The following KSR2 variants were observed in gnomAD, a reference collection of about 807,000 sequenced individuals.
The protein encoded by KSR2 is kinase suppressor of ras 2.
KSR2 carries 25 observed loss-of-function variants against 107.8 expected under a neutral mutation model. The ratio of observed to expected loss-of-function variants is 0.23; its 90% confidence interval spans 0.17 to 0.32. The LOEUF is 0.32. Among genes scored for constraint, KSR2 ranks in the 10% least tolerant of loss-of-function variants. The pLI is 1.00. For missense variants in KSR2, 887 were observed against 1,268.9 expected (o/e 0.70, Z 4.57); for synonymous variants, 480 against 507.0 (o/e 0.95, Z 0.71).
chr12:117,939,810 G>A (rs531427912), intron 1 of KSR2, among the ~76,000 whole-genome samples: 3 of 151,622 alleles, frequency 2.0e-5, no homozygotes, highest in Admixed American at 6.6e-5. Flanking sequence ...GCATGGTTGC[G>A]GGCGCCTATA....
At position 117,505,706 on chromosome 12, in the gene KSR2, C is replaced by T. The variant is rs139910943; in HGVS notation, c.2219+19146G>A. Among the ~76,000 whole-genome samples the T allele has an allele frequency of 5.3e-5, 8 of 152,312 alleles. No individual in the cohort carries two copies. The East Asian group carries it at 1.5e-3, about 29-fold the overall frequency. On this transcript the variant is annotated intron_variant, in intron 14 of 19. Coordinates refer to ENST00000339824, the MANE Select transcript of KSR2 (RefSeq NM_173598.6). ...GGCTTTGGTGTCCCTCACTGCATATCCCCCAGTTGGCACCATTTGCTCCAA... is the reference window on the plus strand; with the variant it reads ...GGCTTTGGTGTCCCTCACTGCATATTCCCCAGTTGGCACCATTTGCTCCAA...
chr12:117,629,556 T>A (rs189998561), intron 5 of KSR2, among the ~76,000 whole-genome samples: 29 of 152,312 alleles, frequency 1.9e-4, no homozygotes, highest in Admixed American at 1.3e-3. Flanking sequence ...TTCCTCGTGA[T>A]CACAGCAAAA....
intron 7 of KSR2, among the ~76,000 whole-genome samples, chr12:117,572,923 A>C (rs1878991380): frequency 6.6e-6 from 1 of 152,194 alleles, no homozygotes. Flanking sequence ...AAGGCTGGGA[A>C]ATCCATCAGC....
At position 117,459,457 on chromosome 12, in the gene KSR2, G is replaced by C. The variant is rs1870784949; in HGVS notation, c.*7742C>G. ...TCTGTGATCAGTGGGAAGGCATGCT[G>C]TGATGGATTAGTGATGTCTGCCAAG... On this transcript the variant is annotated 3_prime_UTR_variant, in exon 20 of 20. Coordinates refer to ENST00000339824, the MANE Select transcript of KSR2 (RefSeq NM_173598.6). 6.6e-6 allele frequency: 1 copy of C among 152,242 alleles called. No individual in the cohort carries two copies. 9.4% of individuals were successfully genotyped at this position (152,242 alleles called of 1,614,324 possible). A position where few individuals can be genotyped will look rare whatever the true frequency, so the allele number is the denominator to read the frequency against.
chr12:117,945,683 A>G (rs1896161000), intron 1 of KSR2, among the ~76,000 whole-genome samples: 1 of 152,170 alleles, frequency 6.6e-6, no homozygotes, highest in Non-Finnish European at 1.5e-5. Context: ...CCAAAAAAAT[A>G]ATAATAACAA....
chr12:117,943,643 A>G (rs1449083355), intron 1 of KSR2, among the ~76,000 whole-genome samples: 1 of 152,140 alleles, frequency 6.6e-6, no homozygotes, highest in East Asian at 1.9e-4. Flanking sequence ...ATTCAGTCAT[A>G]AAAAAATGAA....
chr12:117,770,627 T>C (rs1016268387), intron 3 of KSR2, among the ~76,000 whole-genome samples: 1 of 151,978 alleles, frequency 6.6e-6, no homozygotes, highest in Non-Finnish European at 1.5e-5. Flanking sequence ...CCAGATTCTG[T>C]GTTAGGAAAC....
chr12:117,525,214 T>C lies in KSR2; in HGVS notation c.1857A>G (p.Glu619=). The C allele has an allele frequency of 6.3e-7, 1 of 1,594,708 alleles. No individual in the cohort carries two copies. Among genetic ancestry groups the C allele is most frequent in the Non-Finnish European group, 8.6e-7 (1 of 1,166,862 alleles). The change falls in exon 14 of 20, where the codon GAA becomes GAG. Residue 619 remains glutamate, a synonymous_variant. Coordinates refer to ENST00000339824, the MANE Select transcript of KSR2 (RefSeq NM_173598.6). The part of the protein sequence containing the change: ...QIEVEPTSEN[E]EVHDEAEESE... ...ACTCTTCGGCCTCATCATGGACCTC[T>C]TCATTCTGTGGCCGGAGTGGGAGAG...
At chr12:117,565,936 C>G (rs999151762) in intron 7 of KSR2, among the ~76,000 whole-genome samples, 2 of 152,160 alleles carry the variant, frequency 1.3e-5, no homozygotes, top group Non-Finnish European at 2.9e-5. Flanking sequence ...TTAACTGTTA[C>G]TTTTCCCCCC....
intron 1 of KSR2, among the ~76,000 whole-genome samples, chr12:117,957,630 T>A (rs1446782138): frequency 6.6e-6 from 1 of 152,108 alleles, no homozygotes; most frequent in Non-Finnish European, 1.5e-5. Context: ...GACTTCCTAG[T>A]TTTCTACTCA....
At position 117,465,798 on chromosome 12, in the gene KSR2, T is replaced by G. The variant is rs1871118464; in HGVS notation, c.*1401A>C. ...GCTATTGCTCTGCTTGGGGACAGATTTCCCTTTTGTATCAGGTCACATGCA... is the reference window on the plus strand; with the variant it reads ...GCTATTGCTCTGCTTGGGGACAGATGTCCCTTTTGTATCAGGTCACATGCA... On this transcript the variant is annotated 3_prime_UTR_variant, in exon 20 of 20. Transcript: ENST00000339824. The G allele has an allele frequency of 9.5e-6, 1 of 105,466 alleles. No homozygotes were observed. The highest frequency in any genetic ancestry group is 2.7e-5 in the African/African-American group (1 of 37,076). 6.5% of individuals were successfully genotyped at this position (105,466 alleles called of 1,614,324 possible).
At chr12:117,682,602 T>A (rs1735991104) in intron 4 of KSR2, among the ~76,000 whole-genome samples, 1 of 152,064 alleles carries the variant, frequency 6.6e-6, no homozygotes, top group South Asian at 2.1e-4. Context: ...ATATTTTTAG[T>A]GAGACGGGGT....
chr12:117,527,772 G>A (rs934057097), intron 12 of KSR2, among the ~76,000 whole-genome samples: 2 of 152,192 alleles, frequency 1.3e-5, no homozygotes, highest in African/African-American at 4.8e-5. Context: ...GAGGCTAAAA[G>A]TAATAAGGCC....
intron 5 of KSR2, among the ~76,000 whole-genome samples, chr12:117,591,568 C>A (rs538732190): frequency 1.3e-5 from 2 of 152,122 alleles, no homozygotes; most frequent in South Asian, 4.2e-4. Context: ...GAGGGCACTG[C>A]ACCAATGGCA....
intron 3 of KSR2, among the ~76,000 whole-genome samples, chr12:117,847,268 G>C (rs16948000): frequency 9.9e-5 from 15 of 152,250 alleles, no homozygotes; most frequent in South Asian, 6.2e-4. Context: ...AAGGAAGACC[G>C]TACGGTGGCA....
At chr12:117,740,654 GTAATATATA>G (rs551260212) in intron 4 of KSR2, among the ~76,000 whole-genome samples, 27,958 of 137,978 alleles carry the variant, frequency 0.2, 3,477 homozygotes, top group South Asian at 0.3. Flanking sequence ...TATTATATAT[GTAATATATA>G]ATATATATAA....
In KSR2 at chr12:117,897,518, G is replaced by A. The variant is rs1374573280; in HGVS notation, c.181-37087C>T. Reference sequence around the variant, plus strand: ...CTGGTGTCTCCTGTGATTCCCAGGAGAGGGGCCGCACTCTGTCTTCACGCT... The same window carrying A: ...CTGGTGTCTCCTGTGATTCCCAGGAAAGGGGCCGCACTCTGTCTTCACGCT... On this transcript the variant is annotated intron_variant, in intron 1 of 19. Coordinates refer to ENST00000339824, the MANE Select transcript of KSR2 (RefSeq NM_173598.6). This position sits in a 1 kb window ranked among gnomAD's most constrained non-coding sequence, Gnocchi z 4.5. 6.6e-6 allele frequency among the ~76,000 whole-genome samples: 1 copy of A among 152,180 alleles called. No homozygotes were observed. The highest frequency in any genetic ancestry group is 2.4e-5 in the African/African-American group (1 of 41,444).
In KSR2 at chr12:117,465,142, C is replaced by G. The variant is rs1871084894; in HGVS notation, c.*2057G>C. Reference sequence around the variant, plus strand: ...GAAGTGAGTGGTTGGGTTTCAGGCACTCAGTAGGCTGCTGGGCAGAGCCAA... The same window carrying G: ...GAAGTGAGTGGTTGGGTTTCAGGCAGTCAGTAGGCTGCTGGGCAGAGCCAA... On this transcript the variant is annotated 3_prime_UTR_variant, in exon 20 of 20. Transcript: ENST00000339824. 6.6e-6 allele frequency: 1 copy of G among 152,310 alleles called. No individual in the cohort carries two copies. The highest frequency in any genetic ancestry group is 2.1e-4 in the South Asian group (1 of 4,826). 9.4% of individuals were successfully genotyped at this position (152,310 alleles called of 1,614,324 possible). A position where few individuals can be genotyped will look rare whatever the true frequency, so the allele number is the denominator to read the frequency against.
chr12:117,477,856 T>C (rs546184997), intron 16 of KSR2, among the ~76,000 whole-genome samples: 5 of 152,354 alleles, frequency 3.3e-5, no homozygotes, highest in South Asian at 4.1e-4. Context: ...CATGAACATC[T>C]TTGGGTAGAT....
Sources: gnomAD v4.1 joint callset for allele counts (sites outside exome capture counted in the v4.1 genomes callset) on GRCh38, gnomAD v4.1.1 for gene constraint, Gnocchi (gnomAD v3.1) non-coding constraint, MANE v1.5 for transcripts, NCBI Gene and HGNC (gene_info 2026-07-23, HGNC 2026-07-21) for gene names.